Variants in PLEKHA1 observed in about 807,000 individuals in gnomAD.
PLEKHA1 encodes pleckstrin homology domain containing A1.
PLEKHA1 carries 34 observed loss-of-function variants against 52.0 expected under a neutral mutation model. The observed-to-expected ratio is 0.65, with a 90% CI of 0.50 to 0.87. PLEKHA1 has a LOEUF of 0.87. PLEKHA1 is among the 40% of genes least tolerant of loss of function. PLEKHA1 has a pLI of 0.00. For missense variants in PLEKHA1, 497 were observed against 504.2 expected, an observed-to-expected ratio of 0.99 and a Z score of 0.14; for synonymous variants, 163 against 170.7, an observed-to-expected ratio of 0.95 and a Z score of 0.35.
At chr10:122,418,901 A>C (rs1483219212) in intron 8 of PLEKHA1, 2 of 152,224 alleles carry the variant, frequency 1.3e-5, no homozygotes. Flanking sequence ...CTTTCTGCAC[A>C]AATGGAAATG....
chr10:122,388,596 T>C (rs1344969447), intron 1 of PLEKHA1, among the ~76,000 whole-genome samples: 1 of 152,248 alleles, frequency 6.6e-6, no homozygotes, highest in Admixed American at 6.5e-5. Flanking sequence ...TCCCAGTACA[T>C]ATAAAAACTA....
intron 7 of PLEKHA1, among the ~76,000 whole-genome samples, chr10:122,417,645 C>CAAAAAAAAAA (rs373627172): frequency 1.1e-5 from 1 of 94,264 alleles, no homozygotes; most frequent in Non-Finnish European, 2.2e-5. Flanking sequence ...GACTCTGTCT[C>CAAAAAAAAAA]AAAAAAAAAA....
At position 122,409,860 on chromosome 10, in the gene PLEKHA1, A is replaced by G. The variant is rs368486086; in HGVS notation, c.343-3060A>G. Among the ~76,000 whole-genome samples the G allele has an allele frequency of 3.3e-5, 5 of 151,088 alleles. No individual in the cohort carries two copies. In the East Asian group the frequency reaches 7.8e-4, roughly 24 times the overall value. ...CAGTGGTGCTATCCCAGCTCACTGC[A>G]GCCTCCGCCACCGGGGTTCAAGTGA... On this transcript the variant is annotated intron_variant, in intron 5 of 11. Transcript: ENST00000368990.
At chr10:122,427,504 C>G (rs1183251118) in intron 11 of PLEKHA1, among the ~76,000 whole-genome samples, 1 of 152,210 alleles carries the variant, frequency 6.6e-6, no homozygotes, top group Non-Finnish European at 1.5e-5. Flanking sequence ...CATCAGATCA[C>G]TGAGCAGCTG....
chr10:122,391,619 C>T (rs1007755268), intron 1 of PLEKHA1, among the ~76,000 whole-genome samples: 1 of 152,060 alleles, frequency 6.6e-6, no homozygotes, highest in Non-Finnish European at 1.5e-5. Flanking sequence ...AGGTTTATTT[C>T]TGTGCTCTTA....
At chr10:122,397,361 G>C (rs1024581212) in intron 2 of PLEKHA1, among the ~76,000 whole-genome samples, 5 of 151,996 alleles carry the variant, frequency 3.3e-5, no homozygotes, top group South Asian at 2.1e-4. Flanking sequence ...TACTGTGTGT[G>C]AAAGTGCCTA....
chr10:122,400,320 C>G, intron 3 of PLEKHA1, 23 bp from the exon 4 acceptor site: 2 of 1,588,612 alleles, frequency 1.3e-6, no homozygotes, highest in South Asian at 2.3e-5. Context: ...AAGTGAGGAA[C>G]CCGTCTCTAT....
intron 1 of PLEKHA1, among the ~76,000 whole-genome samples, chr10:122,383,792 T>G (rs1565123639): frequency 6.6e-6 from 1 of 152,208 alleles, no homozygotes; most frequent in Non-Finnish European, 1.5e-5. Context: ...TTTTTTTGTT[T>G]GTTTTTGTTT....
At chr10:122,425,932 T>C (rs941041236) in intron 10 of PLEKHA1, among the ~76,000 whole-genome samples, 1 of 152,118 alleles carries the variant, frequency 6.6e-6, no homozygotes, top group Non-Finnish European at 1.5e-5. Flanking sequence ...CTAAATATAG[T>C]GTTATATCCT....
In PLEKHA1 at chr10:122,424,908, G is replaced by A; in HGVS notation, c.759G>A (p.Met253Ile). 1 of 1,609,268 alleles carries A rather than the reference G, an allele frequency of 6.2e-7. No homozygotes were observed. Among genetic ancestry groups the A allele is most frequent in the Non-Finnish European group, 8.5e-7 (1 of 1,177,876 alleles). Residue 253 changes from methionine (M) to isoleucine (I), a missense_variant, in exon 10 of 12, where the codon ATG becomes ATA. Met to Ile is a conservative substitution (Grantham distance 10). Transcript: ENST00000368990. The stretch of plus-strand genomic sequence containing the variant: ...TTTTTTCATACAGCGACATAATGAT[G>A]AGGGACAACCTCTTTGAAATTGTAA... The part of the protein sequence containing the change: ...VQECKQSDIM[M>I]RDNLFEIVTT...
At position 122,385,645 on chromosome 10, in the gene PLEKHA1, A is replaced by G. The variant is rs186190548; in HGVS notation, c.-20-7536A>G. ...TCTGGCCTTTTTTGTACTTAATATT[A>G]CGATTTTGAGATTTATTCATGTTGT... is the stretch of plus-strand genomic sequence containing the variant. On this transcript the variant is annotated intron_variant, in intron 1 of 11. Coordinates refer to ENST00000368990, the MANE Select transcript of PLEKHA1 (RefSeq NM_001001974.4). Among the ~76,000 whole-genome samples, 5 of 152,106 alleles carry G rather than the reference A, an allele frequency of 3.3e-5. No individual in the cohort carries two copies. In the East Asian group the frequency reaches 9.7e-4, roughly 29 times the overall value.
chr10:122,424,989 C>A (rs764510600), intron 10 of PLEKHA1, 30 bp downstream of exon 10: 10 of 1,547,424 alleles, frequency 6.5e-6, no homozygotes, highest in Admixed American at 1.8e-5. Context: ...ATTAATAGAT[C>A]CTCCTAAAAA....
intron 4 of PLEKHA1, 39 bp downstream of exon 4, chr10:122,400,427 A>C: frequency 6.5e-7 from 1 of 1,534,212 alleles, no homozygotes; most frequent in Non-Finnish European, 8.8e-7. Flanking sequence ...ATAGACTGAT[A>C]TAATTGTATC....
intron 5 of PLEKHA1, among the ~76,000 whole-genome samples, chr10:122,409,256 A>G (rs965441134): frequency 1.3e-5 from 2 of 152,218 alleles, no homozygotes; most frequent in African/African-American, 4.8e-5. Context: ...TACCCCAACA[A>G]ACCCACTTGT....
intron 1 of PLEKHA1, among the ~76,000 whole-genome samples, chr10:122,386,135 A>T (rs891033051): frequency 6.6e-6 from 1 of 152,194 alleles, no homozygotes; most frequent in African/African-American, 2.4e-5. Context: ...CACATCTTTG[A>T]CAGCATTTAG....
At chr10:122,376,136 T>C (rs2096531155) in intron 1 of PLEKHA1, among the ~76,000 whole-genome samples, 1 of 152,192 alleles carries the variant, frequency 6.6e-6, no homozygotes, top group Non-Finnish European at 1.5e-5. Flanking sequence ...GAAACTGTGT[T>C]TTTCTTCACA....
At chr10:122,414,193 T>G (rs1211182151) in intron 6 of PLEKHA1, among the ~76,000 whole-genome samples, 1 of 152,126 alleles carries the variant, frequency 6.6e-6, no homozygotes, top group African/African-American at 2.4e-5. Context: ...TTCACTGGTA[T>G]TATGACCTAT....
chr10:122,440,771 C>G, the PLEKHA1 span: 1 of 152,164 alleles, frequency 6.6e-6, no homozygotes, highest in Non-Finnish European at 1.5e-5. Flanking sequence ...CCAAATCCAG[C>G]TCTTTGTTGA....
intron 1 of PLEKHA1, among the ~76,000 whole-genome samples, chr10:122,382,781 A>T (rs142451005): frequency 6.6e-6 from 1 of 152,190 alleles, no homozygotes; most frequent in Non-Finnish European, 1.5e-5. Flanking sequence ...TAACAAATAA[A>T]TGTTTTCTTT....
Sources: gnomAD v4.1 joint callset for allele counts (sites outside exome capture counted in the v4.1 genomes callset) on GRCh38, gnomAD v4.1.1 for gene constraint, MANE v1.5 for transcripts, NCBI Gene and HGNC (gene_info 2026-07-23, HGNC 2026-07-21) for gene names.